Variants in CDH2 observed in about 807,000 individuals in gnomAD.
The protein encoded by CDH2 is cadherin-2.
CDH2 carries 17 observed loss-of-function variants against 92.0 expected under a neutral mutation model. The observed-to-expected ratio is 0.18, with a 90% CI of 0.13 to 0.28. The LOEUF is 0.28. Ranked by LOEUF, CDH2 falls within the 10% of genes least tolerant of loss-of-function variation. The pLI, the probability that CDH2 is intolerant of heterozygous loss-of-function variation, is 1.00. For synonymous variants in CDH2, 419 were observed against 415.9 expected (o/e 1.01, Z -0.09); for missense variants, 862 against 1,133.1 (o/e 0.76, Z 3.44).
intron 2 of CDH2, among the ~76,000 whole-genome samples, chr18:28,050,443 C>G (rs1327360259): frequency 1.3e-5 from 2 of 151,908 alleles, no homozygotes; most frequent in African/African-American, 4.8e-5. Flanking sequence ...CAGTCACTTT[C>G]TATTCATTTC....
chr18:28,104,160 T>A (rs2015282925), intron 2 of CDH2, among the ~76,000 whole-genome samples: 1 of 152,340 alleles, frequency 6.6e-6, no homozygotes, highest in Non-Finnish European at 1.5e-5. Flanking sequence ...AAAACAGACT[T>A]ATGATGAAGA....
At chr18:28,010,500 T>C (rs2144030365) in intron 4 of CDH2, among the ~76,000 whole-genome samples, 1 of 152,282 alleles carries the variant, frequency 6.6e-6, no homozygotes, top group Non-Finnish European at 1.5e-5. Context: ...CATTATAGGC[T>C]CACTGCCTTC....
chr18:28,156,513 G>T (rs909802647), intron 1 of CDH2, among the ~76,000 whole-genome samples: 1 of 145,710 alleles, frequency 6.9e-6, no homozygotes, highest in Non-Finnish European at 1.5e-5. Flanking sequence ...GGTATAGAAT[G>T]TCACCTTCCC....
At chr18:28,103,098 A>G (rs1394741857) in intron 2 of CDH2, among the ~76,000 whole-genome samples, 1 of 149,742 alleles carries the variant, frequency 6.7e-6, no homozygotes, top group Non-Finnish European at 1.5e-5. Context: ...GAAACAAATG[A>G]AGTAATGTAA....
intron 1 of CDH2, among the ~76,000 whole-genome samples, chr18:28,164,574 C>T (rs2016351707): frequency 6.6e-6 from 1 of 152,116 alleles, no homozygotes; most frequent in Non-Finnish European, 1.5e-5. Flanking sequence ...ACACTCAACC[C>T]TCTCCTCTAC....
At chr18:28,161,579 C>CGA (rs1555647905) in intron 1 of CDH2, among the ~76,000 whole-genome samples, 1 of 99,138 alleles carries the variant, frequency 1.0e-5, no homozygotes, top group African/African-American at 4.0e-5. Flanking sequence ...AACCCTGTCT[C>CGA]GAAAAAAAAA....
intron 14 of CDH2, among the ~76,000 whole-genome samples, chr18:27,982,345 G>T (rs1420562831): frequency 3.3e-5 from 5 of 152,068 alleles, no homozygotes; most frequent in Non-Finnish European, 7.4e-5. Flanking sequence ...TTAGTTAATG[G>T]CCAGAAGGAG....
At chr18:28,151,954 A>G (rs1325715408) in intron 1 of CDH2, among the ~76,000 whole-genome samples, 1 of 152,180 alleles carries the variant, frequency 6.6e-6, no homozygotes, top group Non-Finnish European at 1.5e-5. Flanking sequence ...ATAAAACTTC[A>G]TGTATCCTGA....
At chr18:28,138,448 T>TA (rs977888619) in intron 2 of CDH2, among the ~76,000 whole-genome samples, 13 of 152,194 alleles carry the variant, frequency 8.5e-5, no homozygotes, top group Middle Eastern at 6.8e-3. Flanking sequence ...AATGCCTCAG[T>TA]ACCATGTATC....
chr18:28,086,194 T>C (rs1318315326), intron 2 of CDH2, among the ~76,000 whole-genome samples: 5 of 152,192 alleles, frequency 3.3e-5, no homozygotes, highest in Admixed American at 1.3e-4. Context: ...AATGTGTTTA[T>C]ACTGTTCTAA....
intron 2 of CDH2, among the ~76,000 whole-genome samples, chr18:28,147,104 A>T (rs553110657): frequency 6.6e-6 from 1 of 152,114 alleles, no homozygotes; most frequent in East Asian, 1.9e-4. Context: ...ATGAGACTAT[A>T]TTTAAAATTC....
At chr18:28,120,528 A>G (rs542874860) in intron 2 of CDH2, among the ~76,000 whole-genome samples, 72 of 152,270 alleles carry the variant, frequency 4.7e-4, no homozygotes, top group African/African-American at 1.6e-3. Flanking sequence ...TAAAACAAAT[A>G]TATGTCTATT....
chr18:28,021,209 T>A (rs183554269), intron 2 of CDH2, among the ~76,000 whole-genome samples: 85 of 152,134 alleles, frequency 5.6e-4, no homozygotes, highest in African/African-American at 2.0e-3. Flanking sequence ...AGTTATGCTA[T>A]TTTAACAGAC....
chr18:27,997,140 C>T (rs2012609752), intron 7 of CDH2, among the ~76,000 whole-genome samples: 1 of 152,176 alleles, frequency 6.6e-6, no homozygotes, highest in Admixed American at 6.5e-5. Context: ...GATGAAGTAG[C>T]ACGTGAAAGG....
chr18:28,111,214 A>T (rs1198651715), intron 2 of CDH2, among the ~76,000 whole-genome samples: 1 of 152,208 alleles, frequency 6.6e-6, no homozygotes, highest in Non-Finnish European at 1.5e-5. Context: ...TCAAACCTCA[A>T]AGCCTCCGCA....
chr18:28,046,767 T>C (rs919784849), intron 2 of CDH2, among the ~76,000 whole-genome samples: 2 of 140,228 alleles, frequency 1.4e-5, no homozygotes, highest in East Asian at 1.9e-4. Flanking sequence ...CTTTTATAAA[T>C]AGTCCTTTAA....
chr18:28,066,895 T>C (rs953358398), intron 2 of CDH2, among the ~76,000 whole-genome samples: 1 of 152,140 alleles, frequency 6.6e-6, no homozygotes, highest in Non-Finnish European at 1.5e-5. Context: ...AAGTAAATTT[T>C]AAGTAAAACT....
At chr18:27,995,821 C>A (rs1161987133) in intron 7 of CDH2, among the ~76,000 whole-genome samples, 1 of 152,102 alleles carries the variant, frequency 6.6e-6, no homozygotes, top group Admixed American at 6.5e-5. Context: ...AAAAATTCCA[C>A]TTGGTAAATA....
At chr18:28,018,393 C>T (rs1053303332) in intron 2 of CDH2, among the ~76,000 whole-genome samples, 1 of 152,034 alleles carries the variant, frequency 6.6e-6, no homozygotes, top group Non-Finnish European at 1.5e-5. Context: ...AAAACCAATA[C>T]TAAAATTCAC....
Sources: gnomAD v4.1 joint callset for allele counts (sites outside exome capture counted in the v4.1 genomes callset) on GRCh38, gnomAD v4.1.1 for gene constraint, MANE v1.5 for transcripts, NCBI Gene and HGNC (gene_info 2026-07-23, HGNC 2026-07-21) for gene names.